SLC2A4: variants seen among roughly 807,000 people sequenced by gnomAD.
SLC2A4 encodes solute carrier family 2 member 4, also known as solute carrier family 2, facilitated glucose transporter member 4.
In SLC2A4, 31 loss-of-function variants were observed where a neutral mutation model predicts 53.3. That is an observed-to-expected ratio of 0.58 (90% CI 0.44 to 0.78). The LOEUF (loss-of-function observed/expected upper bound fraction) is 0.78, where lower values mean the gene tolerates loss of function less well. Ranked by LOEUF, SLC2A4 falls within the 30% of genes least tolerant of loss-of-function variation. The pLI is 0.00. For synonymous variants in SLC2A4, 276 were observed against 281.9 expected, an observed-to-expected ratio of 0.98 and a Z score of 0.21; for missense variants, 538 against 655.7, an observed-to-expected ratio of 0.82 and a Z score of 1.96.
Position 7,284,028 on chromosome 17 carries a change from T to C in SLC2A4, c.503T>C (p.Leu168Pro). 6.2e-7 allele frequency: 1 copy of C among 1,613,986 alleles called. No individual in the cohort carries two copies. The highest frequency in any genetic ancestry group is 1.3e-5 in the African/African-American group (1 of 75,056). Residue 168 changes from leucine (L) to proline (P), a missense_variant, in exon 5 of 11, where the codon CTG becomes CCG. Leu to Pro is a moderately conservative substitution (Grantham distance 98). Coordinates refer to ENST00000317370, the MANE Select transcript of SLC2A4 (RefSeq NM_001042.3). This position sits in a 1 kb window ranked among gnomAD's most constrained non-coding sequence, Gnocchi z 7.5. ...GTGGGGGAGATTGCTCCCACTCACC[T>C]GCGGGGCGCCCTGGGGACGCTCAAC... ...MYVGEIAPTH[L>P]RGALGTLNQL...
rs1426857849 is a variant in SLC2A4, at chr17:7,286,902, C to G, written c.*273C>G. 1 of 449,274 alleles carries G rather than the reference C, an allele frequency of 2.2e-6. No individual in the cohort carries two copies. The highest frequency in any genetic ancestry group is 4.1e-6 in the Non-Finnish European group (1 of 241,588). 27.8% of individuals were successfully genotyped at this position (449,274 alleles called of 1,614,324 possible). ...CCCTCTTCCTTCCCCCATCCCCTTTCCTCCCCACCTTCCCCAGACTCAGCT... is the reference window on the plus strand; with the variant it reads ...CCCTCTTCCTTCCCCCATCCCCTTTGCTCCCCACCTTCCCCAGACTCAGCT... On this transcript the variant is annotated 3_prime_UTR_variant, in exon 11 of 11. Coordinates refer to ENST00000317370, the MANE Select transcript of SLC2A4 (RefSeq NM_001042.3).
rs368302808 is a variant in SLC2A4 at position 7,284,915 on chromosome 17, C to T, written c.996C>T (p.Val332=). ...PAYATIGAGV[V]NTVFTLVSVL... is the part of the protein sequence containing the mutation. The stretch of plus-strand genomic sequence containing the variant: ...ATGCCACCATAGGAGCTGGTGTGGT[C>T]AACACAGTCTTCACCTTGGTCTCGG... Residue 332 remains valine (V), a synonymous_variant, in exon 8 of 11, where the codon GTC becomes GTT. Coordinates refer to ENST00000317370, the MANE Select transcript of SLC2A4 (RefSeq NM_001042.3). This position sits in a 1 kb window ranked among gnomAD's most constrained non-coding sequence, Gnocchi z 7.5. 8.1e-6 allele frequency: 13 copies of T among 1,614,196 alleles called. No individual in the cohort carries two copies. Among genetic ancestry groups the T allele is most frequent in the Non-Finnish European group, 1.1e-5 (13 of 1,180,012 alleles).
In SLC2A4 at chr17:7,288,122, T is replaced by C. The variant is rs2072467681; in HGVS notation, c.*1493T>C. 2 of 152,730 alleles carry C rather than the reference T, an allele frequency of 1.3e-5. No homozygotes were observed. Among genetic ancestry groups the C allele is most frequent in the South Asian group, 4.1e-4 (2 of 4,844 alleles). The allele number at this position is 152,730 out of a possible 1,614,324, so 9.5% of individuals were successfully genotyped here. The stretch of plus-strand genomic sequence containing the variant: ...GTGAAACCCATGATAGGGGCACTCT[T>C]CACCAGGGACACAGCTGGAGACATG... On this transcript the variant is annotated 3_prime_UTR_variant, in exon 11 of 11. Transcript: ENST00000317370.
At position 7,282,205 on chromosome 17, in the gene SLC2A4, C is replaced by A; in HGVS notation, c.33+238C>A. On this transcript the variant is annotated intron_variant, in intron 1 of 10. Coordinates refer to ENST00000317370, the MANE Select transcript of SLC2A4 (RefSeq NM_001042.3). This position sits in a 1 kb window ranked among gnomAD's most constrained non-coding sequence, Gnocchi z 4.1. ...ACAGGCAGCAAGTGGATTCTGCGAG[C>A]CAGGGTTCACCCCCTTGCCTAGTAG... is the stretch of plus-strand genomic sequence containing the variant. The A allele has an allele frequency of 1.6e-6, 1 of 620,830 alleles. No individual in the cohort carries two copies. The highest frequency in any genetic ancestry group is 2.3e-5 in the Admixed American group (1 of 43,942). The allele number at this position is 620,830 out of a possible 1,614,324, so 38.5% of individuals were successfully genotyped here. A position where few individuals can be genotyped will look rare whatever the true frequency, so the allele number is the denominator to read the frequency against.
Position 7,288,119 on chromosome 17 carries a change from T to A in SLC2A4, c.*1490T>A, listed in dbSNP as rs1485377009. The A allele has an allele frequency of 6.6e-6, 1 of 152,644 alleles. No individual in the cohort carries two copies. Among genetic ancestry groups the A allele is most frequent in the East Asian group, 1.9e-4 (1 of 5,202 alleles). The allele number at this position is 152,644 out of a possible 1,614,324, so 9.5% of individuals were successfully genotyped here. A position where few individuals can be genotyped will look rare whatever the true frequency, so the allele number is the denominator to read the frequency against. On this transcript the variant is annotated 3_prime_UTR_variant, in exon 11 of 11. Coordinates refer to ENST00000317370, the MANE Select transcript of SLC2A4 (RefSeq NM_001042.3). ...GCAGTGAAACCCATGATAGGGGCAC[T>A]CTTCACCAGGGACACAGCTGGAGAC...
Position 7,283,610 on chromosome 17 carries a change from C to T in SLC2A4, c.288C>T (p.Ser96=). Reference sequence around the variant, plus strand: ...TTTCCGTGGGCGGCATGATTTCCTCCTTCCTCATTGGTATCATCTCTCAGT... The same window carrying T: ...TTTCCGTGGGCGGCATGATTTCCTCTTTCCTCATTGGTATCATCTCTCAGT... The part of the protein sequence containing the change: ...AIFSVGGMIS[S]FLIGIISQWL... Residue 96 remains serine, a synonymous_variant, in exon 3 of 11, where the codon TCC becomes TCT. Transcript: ENST00000317370. The surrounding 1 kb of genome is among the most constrained non-coding windows in gnomAD (Gnocchi z 5.8). 1 of 1,614,070 alleles carries T rather than the reference C, an allele frequency of 6.2e-7. No individual in the cohort carries two copies.
rs1471770023 is a variant in SLC2A4, at chr17:7,282,864, G to A, written c.34-381G>A. On this transcript the variant is annotated intron_variant, in intron 1 of 10. Transcript: ENST00000317370. This position sits in a 1 kb window ranked among gnomAD's most constrained non-coding sequence, Gnocchi z 4.1. ...TTCACAACACTCTCACAGATAGGTA[G>A]GCAAGGCAGGCAACATCACCCCCAT... The A allele has an allele frequency of 8.2e-6, 3 of 365,196 alleles. No individual in the cohort carries two copies. Among genetic ancestry groups the A allele is most frequent in the African/African-American group, 6.3e-5 (3 of 47,308 alleles). 22.6% of individuals were successfully genotyped at this position (365,196 alleles called of 1,614,324 possible).
Position 7,284,399 on chromosome 17 carries a change from C to G in SLC2A4, c.727+20C>G, listed in dbSNP as rs371237268. 6.2e-7 allele frequency: 1 copy of G among 1,613,996 alleles called. No homozygotes were observed. The highest frequency in any genetic ancestry group is 8.5e-7 in the Non-Finnish European group (1 of 1,180,022). ...GAAAGAGTAAGCTCTCCCGCTGCAG[C>G]CTGGCCCAGGCCCATGCCTCCGCCT... On this transcript the variant is annotated intron_variant, in intron 6 of 10. Coordinates refer to ENST00000317370, the MANE Select transcript of SLC2A4 (RefSeq NM_001042.3). The surrounding 1 kb of genome is among the most constrained non-coding windows in gnomAD (Gnocchi z 7.5).
chr17:7,285,286 C>A lies in SLC2A4; in HGVS notation c.1122+97C>A. ...CCAGGGTCCCTTCTTAACACACATGCTTTCAATCCTGGCGCCAGCTCCGGA... is the reference window on the plus strand; with the variant it reads ...CCAGGGTCCCTTCTTAACACACATGATTTCAATCCTGGCGCCAGCTCCGGA... On this transcript the variant is annotated intron_variant, in intron 9 of 10. Coordinates refer to ENST00000317370, the MANE Select transcript of SLC2A4 (RefSeq NM_001042.3). The surrounding 1 kb of genome is among the most constrained non-coding windows in gnomAD (Gnocchi z 6.0). 9.9e-7 allele frequency: 1 copy of A among 1,014,454 alleles called. No individual in the cohort carries two copies. The highest frequency in any genetic ancestry group is 1.5e-6 in the Non-Finnish European group (1 of 670,096). 62.8% of individuals were successfully genotyped at this position (1,014,454 alleles called of 1,614,324 possible). A position where few individuals can be genotyped will look rare whatever the true frequency, so the allele number is the denominator to read the frequency against.
In SLC2A4 at chr17:7,284,671, C is replaced by T. The variant is rs1207606652; in HGVS notation, c.914C>T (p.Ala305Val). 1.2e-6 allele frequency: 2 copies of T among 1,613,930 alleles called. No homozygotes were observed. Among genetic ancestry groups the T allele is most frequent in the East Asian group, 4.5e-5 (2 of 44,882 alleles). ...QLSQQLSGIN[A>V]VFYYSTSIFE... ...AGCCAGCAGCTCTCTGGCATCAATG[C>T]TGTATGTGTGGAGCAGCCTCCAGGC... Residue 305 changes from alanine to valine, a missense_variant and splice_region_variant, in exon 7 of 11, where the codon GCT (alanine) becomes GTT (valine). Coordinates refer to ENST00000317370, the MANE Select transcript of SLC2A4 (RefSeq NM_001042.3). This position sits in a 1 kb window ranked among gnomAD's most constrained non-coding sequence, Gnocchi z 7.5.
intron 10 of SLC2A4, 127 bp from the exon 11 acceptor site, chr17:7,286,299 T>C: frequency 1.2e-6 from 1 of 801,502 alleles, no homozygotes; most frequent in Non-Finnish European, 2.2e-6. Flanking sequence ...CCCTTGTCCC[T>C]GGAGGAGGCA....
rs2072453203 is a variant in SLC2A4, at chr17:7,286,656, GCT to G, written c.*34_*35del. 4.4e-6 allele frequency: 7 copies of G among 1,598,568 alleles called. No individual in the cohort carries two copies. The highest frequency in any genetic ancestry group is 2.2e-5 in the East Asian group (1 of 44,790). On this transcript the variant is annotated 3_prime_UTR_variant, in exon 11 of 11. Coordinates refer to ENST00000317370, the MANE Select transcript of SLC2A4 (RefSeq NM_001042.3). ...GGGCCAGGCAGGGGTGGGAGAGCCA[GCT>G]CTCTCTACCCGGCCCAGAGACCCCT...
Position 7,286,476 on chromosome 17 carries a change from C to A in SLC2A4, c.1377C>A (p.Gly459=). ...TTCTATTTGCGGTCCTCCTGCTGGGCTTCTTCATCTTCACCTTCTTAAGAG... is the reference window on the plus strand; with the variant it reads ...TTCTATTTGCGGTCCTCCTGCTGGGATTCTTCATCTTCACCTTCTTAAGAG... ...VFLLFAVLLL[G]FFIFTFLRVP... The change falls in exon 11 of 11, where the codon GGC becomes GGA. Residue 459 remains glycine (G), a synonymous_variant. Coordinates refer to ENST00000317370, the MANE Select transcript of SLC2A4 (RefSeq NM_001042.3). 1 of 1,614,222 alleles carries A rather than the reference C, an allele frequency of 6.2e-7. No individual in the cohort carries two copies. The highest frequency in any genetic ancestry group is 2.2e-5 in the East Asian group (1 of 44,882).
rs769128212 is a variant in SLC2A4 at position 7,286,668 on chromosome 17, C to T, written c.*39C>T. On this transcript the variant is annotated 3_prime_UTR_variant, in exon 11 of 11. Coordinates refer to ENST00000317370, the MANE Select transcript of SLC2A4 (RefSeq NM_001042.3). ...GGTGGGAGAGCCAGCTCTCTCTACC[C>T]GGCCCAGAGACCCCTTCCTTTCCTC... The T allele has an allele frequency of 7.6e-5, 118 of 1,557,570 alleles. 1 individual carries two copies. In the Middle Eastern group the frequency reaches 9.1e-4, roughly 12 times the overall value.
chr17:7,286,233 G>C, intron 10 of SLC2A4, 193 bp from the exon 11 acceptor site: 1 of 707,346 alleles, frequency 1.4e-6, no homozygotes, highest in Non-Finnish European at 2.5e-6. Context: ...AAAACTAAGA[G>C]TGTTTGGGGT....
In SLC2A4 at chr17:7,283,395, C is replaced by G. The variant is rs756288065; in HGVS notation, c.150+34C>G. ...CTGCAGCTGGCAGGGTGGGGGTACCCAAACGAGGAGGACAGGTGTCTCGGG... is the reference window on the plus strand; with the variant it reads ...CTGCAGCTGGCAGGGTGGGGGTACCGAAACGAGGAGGACAGGTGTCTCGGG... On this transcript the variant is annotated intron_variant, in intron 2 of 10. Coordinates refer to ENST00000317370, the MANE Select transcript of SLC2A4 (RefSeq NM_001042.3). The surrounding 1 kb of genome is among the most constrained non-coding windows in gnomAD (Gnocchi z 5.8). 6.2e-7 allele frequency: 1 copy of G among 1,611,538 alleles called. No individual in the cohort carries two copies. The highest frequency in any genetic ancestry group is 8.5e-7 in the Non-Finnish European group (1 of 1,178,186).
Position 7,283,389 on chromosome 17 carries a change from G to T in SLC2A4, c.150+28G>T. The T allele has an allele frequency of 1.9e-6, 3 of 1,611,972 alleles. No homozygotes were observed. The highest frequency in any genetic ancestry group is 2.5e-6 in the Non-Finnish European group (3 of 1,178,314). ...GAGGGCCTGCAGCTGGCAGGGTGGG[G>T]GTACCCAAACGAGGAGGACAGGTGT... is the stretch of plus-strand genomic sequence containing the variant. On this transcript the variant is annotated intron_variant, in intron 2 of 10. Transcript: ENST00000317370. This position sits in a 1 kb window ranked among gnomAD's most constrained non-coding sequence, Gnocchi z 5.8.
Position 7,282,268 on chromosome 17 carries a change from C to T in SLC2A4, c.33+301C>T. 5.2e-6 allele frequency: 3 copies of T among 579,544 alleles called. No homozygotes were observed. The highest frequency in any genetic ancestry group is 4.7e-5 in the South Asian group (3 of 64,268). 35.9% of individuals were successfully genotyped at this position (579,544 alleles called of 1,614,324 possible). On this transcript the variant is annotated intron_variant, in intron 1 of 10. Transcript: ENST00000317370. The surrounding 1 kb of genome is among the most constrained non-coding windows in gnomAD (Gnocchi z 4.1). The stretch of plus-strand genomic sequence containing the variant: ...TCCGGAATCGGGGACACCCTGCCCT[C>T]GATCCGACTCGGGAAAGCAGATCCA...
At position 7,285,313 on chromosome 17, in the gene SLC2A4, C is replaced by T; in HGVS notation, c.1122+124C>T. Reference sequence around the variant, plus strand: ...TTCAATCCTGGCGCCAGCTCCGGACCAGGACTGGGGCTGACTGGCTCCAGA... The same window carrying T: ...TTCAATCCTGGCGCCAGCTCCGGACTAGGACTGGGGCTGACTGGCTCCAGA... On this transcript the variant is annotated intron_variant, in intron 9 of 10. Coordinates refer to ENST00000317370, the MANE Select transcript of SLC2A4 (RefSeq NM_001042.3). The surrounding 1 kb of genome is among the most constrained non-coding windows in gnomAD (Gnocchi z 6.0). 1 of 851,448 alleles carries T rather than the reference C, an allele frequency of 1.2e-6. No homozygotes were observed. Among genetic ancestry groups the T allele is most frequent in the Non-Finnish European group, 1.9e-6 (1 of 523,816 alleles). The allele number at this position is 851,448 out of a possible 1,614,324, so 52.7% of individuals were successfully genotyped here. A position where few individuals can be genotyped will look rare whatever the true frequency, so the allele number is the denominator to read the frequency against.
Sources: gnomAD v4.1 joint callset for allele counts on GRCh38, gnomAD v4.1.1 for gene constraint, Gnocchi (gnomAD v3.1) non-coding constraint, MANE v1.5 for transcripts, NCBI Gene and HGNC (gene_info 2026-07-23, HGNC 2026-07-21) for gene names.